Variants in JARID2 observed in about 807,000 individuals in gnomAD.
JARID2 encodes protein Jumonji.
Under a neutral mutation model 125.6 loss-of-function variants are expected in JARID2, and 21 were observed. The observed-to-expected ratio is 0.17, with a 90% confidence interval of 0.12 to 0.24. The LOEUF is 0.24. Among genes scored for constraint, JARID2 ranks in the 10% least tolerant of loss-of-function variants. The pLI is 1.00. For synonymous variants in JARID2, 736 were observed against 661.6 expected, an observed-to-expected ratio of 1.11 and a Z score of -1.73; for missense variants, 1,303 against 1,639.6, an observed-to-expected ratio of 0.79 and a Z score of 3.55.
intron 2 of JARID2, among the ~76,000 whole-genome samples, chr6:15,405,684 G>T (rs1344207219): frequency 6.6e-6 from 1 of 152,092 alleles, no homozygotes; most frequent in African/African-American, 2.4e-5. Context: ...GGGGGAGGGG[G>T]TTGGAAAAAT....
intron 1 of JARID2, chr6:15,368,708 G>A (rs1169343300): frequency 2.0e-6 from 1 of 500,228 alleles, no homozygotes; most frequent in Non-Finnish European, 4.0e-6. Flanking sequence ...TCACTGAAGA[G>A]GAGTCAAAGG....
At chr6:15,426,358 C>G (rs1766725677) in intron 3 of JARID2, among the ~76,000 whole-genome samples, 1 of 152,130 alleles carries the variant, frequency 6.6e-6, no homozygotes, top group Non-Finnish European at 1.5e-5. Context: ...ATAAACTTTT[C>G]TTTACCAAGA....
At chr6:15,339,631 G>A (rs7763132) in intron 1 of JARID2, among the ~76,000 whole-genome samples, 24,113 of 151,660 alleles carry the variant, frequency 0.16, 2,051 homozygotes, top group East Asian at 0.25. Context: ...TGCCTCCTGG[G>A]TTCAAGCGAT....
intron 2 of JARID2, among the ~76,000 whole-genome samples, chr6:15,402,560 C>G (rs1765479445): frequency 6.6e-6 from 1 of 151,974 alleles, no homozygotes; most frequent in African/African-American, 2.4e-5. Flanking sequence ...TAGAAAAAAT[C>G]TCAAAAAAAA....
chr6:15,323,304 T>G (rs1762419974), intron 1 of JARID2, among the ~76,000 whole-genome samples: 3 of 152,214 alleles, frequency 2.0e-5, no homozygotes, highest in Admixed American at 6.5e-5. Flanking sequence ...TTTTCTTTCT[T>G]ACAATCACAG....
chr6:15,295,450 A>G (rs1255197488), intron 1 of JARID2, among the ~76,000 whole-genome samples: 1 of 152,056 alleles, frequency 6.6e-6, no homozygotes, highest in Non-Finnish European at 1.5e-5. Flanking sequence ...GTTAATTTAT[A>G]TAGGTAATAA....
chr6:15,263,348 T>C (rs1463677485), intron 1 of JARID2, among the ~76,000 whole-genome samples: 1 of 152,134 alleles, frequency 6.6e-6, no homozygotes, highest in Non-Finnish European at 1.5e-5. Flanking sequence ...CAGAGGACTA[T>C]GGGGAGTAGA....
chr6:15,283,910 T>C (rs1368245427), intron 1 of JARID2, among the ~76,000 whole-genome samples: 1 of 151,904 alleles, frequency 6.6e-6, no homozygotes, highest in Non-Finnish European at 1.5e-5. Context: ...GGTTTCACCA[T>C]GTTAGCCAGG....
At chr6:15,358,380 T>C (rs1215332897) in intron 1 of JARID2, among the ~76,000 whole-genome samples, 1 of 152,242 alleles carries the variant, frequency 6.6e-6, no homozygotes, top group African/African-American at 2.4e-5. Context: ...TCTGCTATTA[T>C]TAAATAAATG....
chr6:15,422,770 C>G (rs1042565112), intron 3 of JARID2, among the ~76,000 whole-genome samples: 1 of 152,114 alleles, frequency 6.6e-6, no homozygotes, highest in Admixed American at 6.5e-5. Flanking sequence ...TGGGCTTCCC[C>G]GCTCCCCCTC....
chr6:15,509,195 C>T (rs765881573), intron 12 of JARID2: 22 of 1,246,826 alleles, frequency 1.8e-5, no homozygotes, highest in African/African-American at 4.7e-5. Flanking sequence ...CATCCCTGAT[C>T]GAGGCTGGAC....
chr6:15,445,797 T>C (rs1767648536), intron 3 of JARID2, among the ~76,000 whole-genome samples: 1 of 152,212 alleles, frequency 6.6e-6, no homozygotes, highest in Non-Finnish European at 1.5e-5. Flanking sequence ...TTCTGCGAGA[T>C]GATGGTGAGA....
chr6:15,415,590 G>C (rs1409972602), intron 3 of JARID2, among the ~76,000 whole-genome samples: 12 of 136,724 alleles, frequency 8.8e-5, no homozygotes, highest in African/African-American at 2.9e-4. Flanking sequence ...TGGCCGGGCG[G>C]GGGGCTGACC....
chr6:15,399,612 T>C (rs1765348395), intron 2 of JARID2, among the ~76,000 whole-genome samples: 1 of 152,214 alleles, frequency 6.6e-6, no homozygotes, highest in Non-Finnish European at 1.5e-5. Context: ...TTGGCCATTG[T>C]GGAGAGAATA....
rs918476756 is a variant in JARID2 at position 15,508,688 on chromosome 6, T to A, written c.2846+234T>A. Among the ~76,000 whole-genome samples, 123 of 152,348 alleles carry A rather than the reference T, an allele frequency of 8.1e-4. 1 individual carries two copies. Among genetic ancestry groups the A allele is most frequent in the Non-Finnish European group, 2.9e-4 (20 of 68,034 alleles). The stretch of plus-strand genomic sequence containing the variant: ...GTAACACTGTCTGATGATGAGCAAA[T>A]CTTTTCATATGCTTAGTGGCCATTT... On this transcript the variant is annotated intron_variant, in intron 12 of 17. Transcript: ENST00000341776.
At chr6:15,381,540 A>G (rs1764589848) in intron 2 of JARID2, among the ~76,000 whole-genome samples, 1 of 152,124 alleles carries the variant, frequency 6.6e-6, no homozygotes. Flanking sequence ...ACTCTGCATG[A>G]AAGAAAGCTG....
intron 1 of JARID2, chr6:15,248,094 A>G: frequency 5.1e-6 from 5 of 985,152 alleles, no homozygotes; most frequent in Non-Finnish European, 6.0e-6. Flanking sequence ...CGTTCAGCGG[A>G]TCGTGTCTCC....
At chr6:15,428,845 G>A (rs548734260) in intron 3 of JARID2, among the ~76,000 whole-genome samples, 8 of 150,514 alleles carry the variant, frequency 5.3e-5, no homozygotes, top group Admixed American at 1.3e-4. Context: ...GGTAGAGGCC[G>A]CAGTGAGTTG....
chr6:15,489,141 T>C (rs184181955), intron 6 of JARID2, among the ~76,000 whole-genome samples: 5 of 152,356 alleles, frequency 3.3e-5, no homozygotes, highest in Admixed American at 6.5e-5. Context: ...GATTACACCA[T>C]GTGACTGCAT....
Sources: gnomAD v4.1 joint callset for allele counts (sites outside exome capture counted in the v4.1 genomes callset) on GRCh38, gnomAD v4.1.1 for gene constraint, MANE v1.5 for transcripts, NCBI Gene and HGNC (gene_info 2026-07-23, HGNC 2026-07-21) for gene names.